ATRNL1: variants seen among roughly 807,000 people sequenced by gnomAD.
ATRNL1 encodes the protein attractin like 1, also known as attractin-like protein 1.
ATRNL1 carries 95 observed loss-of-function variants against 182.7 expected under a neutral mutation model. The ratio of observed to expected loss-of-function variants is 0.52; its 90% CI spans 0.44 to 0.62. The LOEUF is 0.62. Ranked by LOEUF, ATRNL1 falls within the 20% of genes least tolerant of loss-of-function variation. The pLI is 0.00. For missense variants in ATRNL1, 1,471 were observed against 1,679.5 expected, an observed-to-expected ratio of 0.88 and a Z score of 2.17; for synonymous variants, 576 against 568.3, an observed-to-expected ratio of 1.01 and a Z score of -0.19.
At chr10:115,716,378 T>C (rs1555056327) in intron 26 of ATRNL1, among the ~76,000 whole-genome samples, 1 of 152,138 alleles carries the variant, frequency 6.6e-6, no homozygotes, top group Non-Finnish European at 1.5e-5. Context: ...AAAATGCCAG[T>C]GTGTGGGTCA....
At chr10:115,100,375 G>A (rs1843726046) in intron 1 of ATRNL1, among the ~76,000 whole-genome samples, 1 of 150,510 alleles carries the variant, frequency 6.6e-6, no homozygotes. Flanking sequence ...TTTTTCTCTA[G>A]AAGTTTTGTA....
chr10:115,755,870 A>G (rs886501570), intron 27 of ATRNL1, among the ~76,000 whole-genome samples: 43 of 152,072 alleles, frequency 2.8e-4, no homozygotes, highest in African/African-American at 1.0e-3. Flanking sequence ...CTATTCAGGG[A>G]TTCGACTTCT....
At chr10:115,693,696 T>C (rs1193507731) in intron 26 of ATRNL1, among the ~76,000 whole-genome samples, 1 of 152,142 alleles carries the variant, frequency 6.6e-6, no homozygotes, top group Non-Finnish European at 1.5e-5. Context: ...CTGTGTTGTA[T>C]GTTACTGTAC....
intron 20 of ATRNL1, among the ~76,000 whole-genome samples, chr10:115,404,051 A>G (rs1178841045): frequency 1.3e-5 from 2 of 152,182 alleles, no homozygotes; most frequent in Admixed American, 1.3e-4. Flanking sequence ...CTTGAGGAAT[A>G]TGTTTTGGTA....
At chr10:115,526,432 C>T (rs1851219324) in intron 25 of ATRNL1, among the ~76,000 whole-genome samples, 1 of 152,170 alleles carries the variant, frequency 6.6e-6, no homozygotes, top group South Asian at 2.1e-4. Context: ...GGTATCAATA[C>T]AACATAATGA....
intron 8 of ATRNL1, among the ~76,000 whole-genome samples, chr10:115,211,873 T>A (rs1554895075): frequency 1.3e-5 from 2 of 151,618 alleles, no homozygotes; most frequent in Non-Finnish European, 2.9e-5. Flanking sequence ...GCCCCATTTC[T>A]TTTTCTTCTC....
intron 26 of ATRNL1, among the ~76,000 whole-genome samples, chr10:115,719,492 A>G (rs1308958044): frequency 2.0e-5 from 3 of 152,250 alleles, no homozygotes; most frequent in Non-Finnish European, 2.9e-5. Flanking sequence ...CAGCAAGCAC[A>G]CAGTTGACAA....
chr10:115,401,149 AG>A (rs1844546364), intron 20 of ATRNL1, among the ~76,000 whole-genome samples: 1 of 152,036 alleles, frequency 6.6e-6, no homozygotes, highest in Admixed American at 6.6e-5. Context: ...ATAATTGGGG[AG>A]TGCTACTGGC....
chr10:115,861,204 A>T (rs1951307975), intron 28 of ATRNL1, among the ~76,000 whole-genome samples: 1 of 152,064 alleles, frequency 6.6e-6, no homozygotes. Flanking sequence ...TCATGAAACT[A>T]GTCCCCATGT....
At chr10:115,778,139 C>G (rs1949173835) in intron 27 of ATRNL1, among the ~76,000 whole-genome samples, 1 of 152,138 alleles carries the variant, frequency 6.6e-6, no homozygotes, top group Admixed American at 6.5e-5. Flanking sequence ...ATTACAACCT[C>G]TCTTCCTTTC....
At chr10:115,130,562 A>G (rs1230133373) in intron 5 of ATRNL1, among the ~76,000 whole-genome samples, 2 of 152,118 alleles carry the variant, frequency 1.3e-5, no homozygotes, top group Admixed American at 1.3e-4. Context: ...CAAAAGATCT[A>G]TGATTTCTTA....
chr10:115,889,803 C>T (rs1952036614), intron 28 of ATRNL1, among the ~76,000 whole-genome samples: 1 of 152,174 alleles, frequency 6.6e-6, no homozygotes, highest in Non-Finnish European at 1.5e-5. Flanking sequence ...TGTGATTAAT[C>T]TACCCATTAT....
chr10:115,545,123 A>G (rs1215124414), intron 25 of ATRNL1, among the ~76,000 whole-genome samples: 10 of 151,610 alleles, frequency 6.6e-5, no homozygotes, highest in Non-Finnish European at 1.2e-4. Flanking sequence ...TTAAAAACCA[A>G]TTTAGGGAGG....
intron 5 of ATRNL1, among the ~76,000 whole-genome samples, chr10:115,153,455 C>T (rs1175171083): frequency 1.3e-5 from 2 of 152,088 alleles, no homozygotes; most frequent in South Asian, 2.1e-4. Context: ...TGTATGTGTC[C>T]AGGAATTTAT....
chr10:115,848,411 G>A (rs1302976924), intron 28 of ATRNL1, among the ~76,000 whole-genome samples: 6 of 152,132 alleles, frequency 3.9e-5, no homozygotes, highest in Admixed American at 3.9e-4. Context: ...AACCAAACTA[G>A]GGAACGTGTA....
intron 7 of ATRNL1, among the ~76,000 whole-genome samples, 189 bp from the exon 8 acceptor site, chr10:115,170,848 T>G (rs985905288): frequency 2.0e-5 from 3 of 152,004 alleles, no homozygotes; most frequent in African/African-American, 7.2e-5. Context: ...TTTCCCCCCC[T>G]TTTTGTATAT....
chr10:115,339,003 G>T (rs782428988), intron 19 of ATRNL1, among the ~76,000 whole-genome samples: 25 of 152,084 alleles, frequency 1.6e-4, no homozygotes, highest in Non-Finnish European at 3.5e-4. Flanking sequence ...ATATGTTCTG[G>T]TCACCTTTGT....
chr10:115,380,620 A>C (rs1857944144), intron 19 of ATRNL1, among the ~76,000 whole-genome samples: 1 of 152,174 alleles, frequency 6.6e-6, no homozygotes, highest in Non-Finnish European at 1.5e-5. Flanking sequence ...ATATAAGTGA[A>C]ATTATCAAAT....
At chr10:115,454,889 T>C (rs1285580081) in intron 21 of ATRNL1, among the ~76,000 whole-genome samples, 1 of 152,146 alleles carries the variant, frequency 6.6e-6, no homozygotes, top group Non-Finnish European at 1.5e-5. Context: ...AGATACCTTT[T>C]CTTTTTCTTG....
Sources: allele counts gnomAD v4.1 joint callset (sites outside exome capture counted in the v4.1 genomes callset), GRCh38; gene constraint gnomAD v4.1.1; transcripts MANE v1.5; gene names NCBI Gene and HGNC (gene_info 2026-07-23, HGNC 2026-07-21).